Variants in TDRD3 observed in about 807,000 individuals in gnomAD.
TDRD3 encodes tudor domain-containing protein 3.
TDRD3 carries 45 observed loss-of-function variants against 86.7 expected under a neutral mutation model. That is an observed-to-expected ratio of 0.52 (90% CI 0.41 to 0.67). The LOEUF (loss-of-function observed/expected upper bound fraction) is 0.67. Among genes scored for constraint, TDRD3 ranks in the 30% least tolerant of loss-of-function variants. TDRD3 has a pLI of 0.00. For missense variants in TDRD3, 814 were observed against 889.0 expected, an observed-to-expected ratio of 0.92 and a Z score of 1.07; for synonymous variants, 298 against 301.7, an observed-to-expected ratio of 0.99 and a Z score of 0.13.
intron 12 of TDRD3, chr13:60,535,483 T>C: frequency 3.8e-6 from 1 of 263,120 alleles, no homozygotes; most frequent in Non-Finnish European, 6.6e-6. Flanking sequence ...GTGCCCTTAT[T>C]TACATTTGCC....
chr13:60,449,400 C>G (rs1435915567), intron 3 of TDRD3, among the ~76,000 whole-genome samples: 1 of 151,958 alleles, frequency 6.6e-6, no homozygotes, highest in Non-Finnish European at 1.5e-5. Flanking sequence ...AAATAGATAA[C>G]TGAAAAATAA....
intron 4 of TDRD3, among the ~76,000 whole-genome samples, chr13:60,464,585 TACACACACACACAC>T (rs1047437745): frequency 1.3e-5 from 2 of 149,640 alleles, no homozygotes; most frequent in African/African-American, 5.0e-5. Context: ...CACACACACA[TACACACACACACAC>T]ATACACTGGA....
chr13:60,399,630 C>T (rs1566163251), intron 1 of TDRD3, among the ~76,000 whole-genome samples: 2 of 152,172 alleles, frequency 1.3e-5, no homozygotes, highest in Non-Finnish European at 2.9e-5. Context: ...CATTTTAGTT[C>T]TTATATCCTG....
chr13:60,534,927 C>CAAAAAAA (rs75394722), intron 11 of TDRD3, among the ~76,000 whole-genome samples, 181 bp from the exon 12 acceptor site: 4 of 54,722 alleles, frequency 7.3e-5, no homozygotes, highest in Non-Finnish European at 7.4e-5. Context: ...GACCCTGTCT[C>CAAAAAAA]AAAAAAAAAA....
At chr13:60,512,621 G>A (rs1157655057) in intron 10 of TDRD3, among the ~76,000 whole-genome samples, 3 of 152,130 alleles carry the variant, frequency 2.0e-5, no homozygotes. Context: ...GGGAGAAATT[G>A]GCCAAAACAA....
At chr13:60,437,648 A>C (rs1022032055) in intron 1 of TDRD3, among the ~76,000 whole-genome samples, 1 of 151,382 alleles carries the variant, frequency 6.6e-6, no homozygotes. Context: ...TAATTAATCT[A>C]TTCTAGTTTA....
chr13:60,536,664 T>C (rs1025045986), intron 12 of TDRD3: 8 of 152,258 alleles, frequency 5.3e-5, no homozygotes, highest in Middle Eastern at 3.4e-3. Flanking sequence ...ACAATTCTTA[T>C]GTTATTTACT....
At chr13:60,531,418 A>G (rs1366124229) in intron 11 of TDRD3, among the ~76,000 whole-genome samples, 1 of 152,236 alleles carries the variant, frequency 6.6e-6, no homozygotes, top group African/African-American at 2.4e-5. Flanking sequence ...TTGAGCCAAC[A>G]GTAGCTACCC....
rs192893866 is a variant in TDRD3 at position 60,509,409 on chromosome 13, A to G, written c.859-354A>G. 2.8e-3 allele frequency: 535 copies of G among 189,170 alleles called. 5 individuals are homozygous for G. The highest frequency in any genetic ancestry group is 0.012 in the African/African-American group (511 of 42,048). The allele number at this position is 189,170 out of a possible 1,614,324, so 11.7% of individuals were successfully genotyped here. A position where few individuals can be genotyped will look rare whatever the true frequency, so the allele number is the denominator to read the frequency against. On this transcript the variant is annotated intron_variant, in intron 8 of 13. Coordinates refer to ENST00000377881, the MANE Select transcript of TDRD3 (RefSeq NM_001146070.2). ...ATTACATTTCCCTTCTAGTATGGAG[A>G]AGTATCAAAAAATTTCCATTTTTTA...
chr13:60,489,340 C>G (rs1435628351), intron 7 of TDRD3, among the ~76,000 whole-genome samples: 2 of 152,258 alleles, frequency 1.3e-5, no homozygotes, highest in African/African-American at 4.8e-5. Flanking sequence ...TTCCTTTATT[C>G]AAAACCTGTA....
At chr13:60,568,175 A>G (rs1189147516) in intron 13 of TDRD3, among the ~76,000 whole-genome samples, 1 of 152,196 alleles carries the variant, frequency 6.6e-6, no homozygotes, top group Non-Finnish European at 1.5e-5. Flanking sequence ...TCCTAAGTGA[A>G]GAAATTTTTT....
intron 1 of TDRD3, among the ~76,000 whole-genome samples, chr13:60,415,886 A>G (rs1310914206): frequency 6.6e-6 from 1 of 152,178 alleles, no homozygotes; most frequent in Admixed American, 6.5e-5. Context: ...AACATTCTTT[A>G]GAGACAAACT....
intron 2 of TDRD3, among the ~76,000 whole-genome samples, chr13:60,442,231 A>G (rs1216005059): frequency 6.6e-6 from 1 of 152,224 alleles, no homozygotes; most frequent in African/African-American, 2.4e-5. Flanking sequence ...ATGATAGACC[A>G]GTCTTAAATT....
At chr13:60,513,820 T>C (rs1003217160) in intron 10 of TDRD3, among the ~76,000 whole-genome samples, 3 of 152,230 alleles carry the variant, frequency 2.0e-5, no homozygotes, top group Non-Finnish European at 4.4e-5. Flanking sequence ...TGTGGAACTA[T>C]AAGTCCCATA....
chr13:60,522,875 C>T (rs999498133), intron 10 of TDRD3, among the ~76,000 whole-genome samples: 2 of 152,008 alleles, frequency 1.3e-5, no homozygotes, highest in African/African-American at 4.8e-5. Context: ...TTGTTGGTTA[C>T]ATTCTGTTTT....
chr13:60,428,740 G>T (rs146251139), intron 1 of TDRD3, among the ~76,000 whole-genome samples: 38 of 152,270 alleles, frequency 2.5e-4, no homozygotes, highest in Admixed American at 1.3e-4. Context: ...AGAAGACAGT[G>T]GTTCTGTCCA....
intron 7 of TDRD3, among the ~76,000 whole-genome samples, chr13:60,493,701 A>G (rs767232191): frequency 7.9e-5 from 12 of 152,246 alleles, no homozygotes; most frequent in East Asian, 1.9e-4. Context: ...TGTTTAACCA[A>G]ATGTTTCATA....
intron 1 of TDRD3, among the ~76,000 whole-genome samples, chr13:60,404,959 G>A (rs1280050806): frequency 6.6e-6 from 1 of 152,198 alleles, no homozygotes; most frequent in Non-Finnish European, 1.5e-5. Context: ...TTTTAAAAAT[G>A]GGAGGTGCCC....
At position 60,528,405 on chromosome 13, in the gene TDRD3, T is replaced by TAC; in HGVS notation, c.1182_1183dup (p.Arg395ThrfsTer11). On this transcript the variant is annotated frameshift_variant, in exon 11 of 14. Transcript: ENST00000377881. LOFTEE classifies it high-confidence loss of function. ...GCCACAGCAGCTTCATCAGGGACAA[T>TAC]ACAGATCATCAAATACTGAGCAAAA... The TAC allele has an allele frequency of 6.2e-7, 1 of 1,613,672 alleles. No individual in the cohort carries two copies. The highest frequency in any genetic ancestry group is 8.5e-7 in the Non-Finnish European group (1 of 1,179,826).
Sources: gnomAD v4.1 joint callset for allele counts (sites outside exome capture counted in the v4.1 genomes callset) on GRCh38, gnomAD v4.1.1 for gene constraint, MANE v1.5 for transcripts, NCBI Gene and HGNC (gene_info 2026-07-23, HGNC 2026-07-21) for gene names.